The following ANKMY2 variants were observed in gnomAD, a reference collection of about 807,000 sequenced individuals.
ANKMY2 encodes ankyrin repeat and MYND domain containing 2.
ANKMY2 carries 36 observed loss-of-function variants against 50.4 expected under a neutral mutation model. The ratio of observed to expected loss-of-function variants is 0.71; its 90% CI spans 0.55 to 0.94. The LOEUF (loss-of-function observed/expected upper bound fraction) is 0.94. ANKMY2 is among the 40% of genes least tolerant of loss of function. The pLI, the probability that ANKMY2 is intolerant of heterozygous loss-of-function variation, is 0.00. For missense variants in ANKMY2, 565 were observed against 524.0 expected, an observed-to-expected ratio of 1.08 and a Z score of -0.76; for synonymous variants, 187 against 178.8, an observed-to-expected ratio of 1.05 and a Z score of -0.36.
intron 4 of ANKMY2, among the ~76,000 whole-genome samples, chr7:16,620,700 A>ATCAG (rs1362110221): frequency 6.6e-6 from 1 of 152,164 alleles, no homozygotes; most frequent in Non-Finnish European, 1.5e-5. Context: ...AACCACATAT[A>ATCAG]TCAGTAATTA....
chr7:16,614,528 T>G (rs184247989), intron 5 of ANKMY2, among the ~76,000 whole-genome samples: 30 of 152,344 alleles, frequency 2.0e-4, no homozygotes, highest in African/African-American at 7.0e-4. Flanking sequence ...TGAGTAAATT[T>G]GGTTTGTTTC....
intron 4 of ANKMY2, among the ~76,000 whole-genome samples, chr7:16,623,888 T>C (rs1198808258): frequency 6.6e-6 from 1 of 152,060 alleles, no homozygotes; most frequent in African/African-American, 2.4e-5. Context: ...GCTTAATCAA[T>C]GGCAGCTTCT....
chr7:16,618,719 T>A (rs1206131043), intron 4 of ANKMY2, among the ~76,000 whole-genome samples: 1 of 152,180 alleles, frequency 6.6e-6, no homozygotes, highest in African/African-American at 2.4e-5. Flanking sequence ...CCTTCCAGAA[T>A]CTTCAAGAGA....
At chr7:16,618,011 T>C (rs1283693698) in intron 4 of ANKMY2, among the ~76,000 whole-genome samples, 1 of 146,770 alleles carries the variant, frequency 6.8e-6, no homozygotes, top group Non-Finnish European at 1.5e-5. Context: ...CACTGCAACC[T>C]CTGCCTCCTG....
chr7:16,608,048 T>C (rs1781188892), intron 7 of ANKMY2, among the ~76,000 whole-genome samples: 1 of 152,040 alleles, frequency 6.6e-6, no homozygotes, highest in Non-Finnish European at 1.5e-5. Flanking sequence ...CTCGTAACCA[T>C]GAGATCATAA....
At chr7:16,619,316 A>G (rs531997592) in intron 4 of ANKMY2, among the ~76,000 whole-genome samples, 2 of 152,104 alleles carry the variant, frequency 1.3e-5, no homozygotes, top group Admixed American at 6.5e-5. Context: ...ACCACGCCCA[A>G]CTAATTTTGT....
At chr7:16,641,206 C>T (rs142670682) in intron 1 of ANKMY2, among the ~76,000 whole-genome samples, 44 of 151,498 alleles carry the variant, frequency 2.9e-4, no homozygotes, top group African/African-American at 8.5e-4. Context: ...TGCATTCCAG[C>T]CTGGGTGACA....
At chr7:16,633,078 C>A (rs1475165124) in intron 2 of ANKMY2, among the ~76,000 whole-genome samples, 2 of 152,048 alleles carry the variant, frequency 1.3e-5, no homozygotes, top group Non-Finnish European at 2.9e-5. Flanking sequence ...AGATCCTTGG[C>A]TCATTTTTTA....
intron 6 of ANKMY2, 129 bp downstream of exon 6, chr7:16,610,420 C>A: frequency 1.5e-6 from 1 of 689,180 alleles, no homozygotes. Flanking sequence ...TTGTCAAAGA[C>A]TAAATGTGAG....
intron 4 of ANKMY2, among the ~76,000 whole-genome samples, chr7:16,617,940 T>C (rs1781380703): frequency 6.8e-6 from 1 of 147,364 alleles, no homozygotes; most frequent in African/African-American, 2.6e-5. Context: ...TTTTTTTTTT[T>C]TGGGTGAGAC....
chr7:16,617,325 T>G (rs1263098376), intron 4 of ANKMY2, among the ~76,000 whole-genome samples: 2 of 152,162 alleles, frequency 1.3e-5, no homozygotes, highest in Admixed American at 1.3e-4. Context: ...TCTAAAGTAA[T>G]TAATTAATGT....
intron 7 of ANKMY2, among the ~76,000 whole-genome samples, chr7:16,609,067 T>C (rs1781204546): frequency 6.6e-6 from 1 of 152,130 alleles, no homozygotes. Context: ...AAATAACAGA[T>C]AAAGTTAACA....
chr7:16,603,994 G>A (rs528678034), intron 8 of ANKMY2, among the ~76,000 whole-genome samples: 18 of 152,270 alleles, frequency 1.2e-4, no homozygotes, highest in Admixed American at 1.0e-3. Context: ...ATTTAATTCT[G>A]GAATTTCATT....
chr7:16,605,471 T>A (rs1781140070), intron 7 of ANKMY2, among the ~76,000 whole-genome samples: 1 of 152,064 alleles, frequency 6.6e-6, no homozygotes, highest in Non-Finnish European at 1.5e-5. Context: ...AATGGAAAAT[T>A]AAAATAGGTT....
intron 4 of ANKMY2, among the ~76,000 whole-genome samples, chr7:16,617,201 A>C (rs1257894770): frequency 6.6e-6 from 1 of 152,112 alleles, no homozygotes; most frequent in Non-Finnish European, 1.5e-5. Flanking sequence ...AAATTTCCCC[A>C]CAGTTACCTG....
intron 1 of ANKMY2, among the ~76,000 whole-genome samples, chr7:16,639,792 G>T (rs1224959023): frequency 5.3e-5 from 8 of 152,038 alleles, no homozygotes; most frequent in Admixed American, 5.2e-4. Flanking sequence ...AAAAGAGAAT[G>T]ATATTCTTAG....
chr7:16,639,534 T>G (rs1309094462), intron 1 of ANKMY2, among the ~76,000 whole-genome samples: 2 of 152,198 alleles, frequency 1.3e-5, no homozygotes, highest in African/African-American at 4.8e-5. Flanking sequence ...TTTATCTGGA[T>G]GAACAAGCAT....
Position 16,604,867 on chromosome 7 carries a change from A to G in ANKMY2, c.883-18T>C. ...TCAGAACCCTAGAGTGGGCATGAAG[A>G]GGAGAAAAAACAAATTCTGAAATCA... On this transcript the variant is annotated intron_variant, in intron 7 of 9. Transcript: ENST00000306999. 1 of 1,593,748 alleles carries G rather than the reference A, an allele frequency of 6.3e-7. No homozygotes were observed. Among genetic ancestry groups the G allele is most frequent in the Non-Finnish European group, 8.5e-7 (1 of 1,170,046 alleles).
chr7:16,617,664 C>T (rs56077141), intron 4 of ANKMY2, among the ~76,000 whole-genome samples: 59,068 of 152,024 alleles, frequency 0.39, 12,651 homozygotes, highest in Middle Eastern at 0.53. Flanking sequence ...GAGAACTAAA[C>T]TAGTAACACA....
Sources: allele counts gnomAD v4.1 joint callset (sites outside exome capture counted in the v4.1 genomes callset), GRCh38; gene constraint gnomAD v4.1.1; transcripts MANE v1.5; gene names NCBI Gene and HGNC (gene_info 2026-07-23, HGNC 2026-07-21).